The following ACTN1 variants were observed in gnomAD, a reference collection of about 807,000 sequenced individuals.
ACTN1 encodes the protein actinin alpha 1, also known as alpha-actinin-1.
Under a neutral mutation model 119.6 loss-of-function variants are expected in ACTN1, and 30 were observed. That is an observed-to-expected ratio of 0.25 (90% CI 0.19 to 0.34). ACTN1 has a LOEUF of 0.34. Ranked by LOEUF, ACTN1 falls within the 10% of genes least tolerant of loss-of-function variation. The pLI is 1.00. For synonymous variants in ACTN1, 429 were observed against 472.6 expected (o/e 0.91, Z 1.20); for missense variants, 764 against 1,223.4 (o/e 0.62, Z 5.60).
chr14:68,963,042 C>G (rs2036589623), intron 1 of ACTN1, among the ~76,000 whole-genome samples: 1 of 152,098 alleles, frequency 6.6e-6, no homozygotes, highest in African/African-American at 2.4e-5. Flanking sequence ...TCACCTCCTG[C>G]CCCTCCCTCC....
intron 1 of ACTN1, among the ~76,000 whole-genome samples, chr14:68,964,747 G>T (rs554970724): frequency 6.6e-6 from 1 of 152,192 alleles, no homozygotes. Flanking sequence ...TATAATGCAC[G>T]TAATGGACTT....
intron 1 of ACTN1, among the ~76,000 whole-genome samples, chr14:68,964,492 G>C (rs1488155278): frequency 1.2e-4 from 19 of 152,194 alleles, no homozygotes; most frequent in Non-Finnish European, 2.9e-5. Context: ...CCCTTCTCCA[G>C]TCAGGGCTGA....
chr14:68,954,042 CAT>C (rs938967148), intron 1 of ACTN1, among the ~76,000 whole-genome samples: 2 of 152,128 alleles, frequency 1.3e-5, no homozygotes, highest in Admixed American at 6.5e-5. Context: ...TGTATTTTTA[CAT>C]ATTATCTTCC....
At chr14:68,890,739 G>A (rs1306144955) in intron 10 of ACTN1, among the ~76,000 whole-genome samples, 3 of 152,218 alleles carry the variant, frequency 2.0e-5, no homozygotes, top group African/African-American at 7.2e-5. Flanking sequence ...TCCATTCATG[G>A]ACTCAGGCCT....
chr14:68,875,314 T>G (rs1157212004), intron 21 of ACTN1, among the ~76,000 whole-genome samples: 1 of 152,270 alleles, frequency 6.6e-6, no homozygotes, highest in Non-Finnish European at 1.5e-5. Context: ...ATCACACTAG[T>G]CTGCAATAAT....
rs146986774 is a variant in ACTN1, at chr14:68,910,817, C to T, written c.428-775G>A. On this transcript the variant is annotated intron_variant, in intron 4 of 21. Coordinates refer to ENST00000394419, the MANE Select transcript of ACTN1 (RefSeq NM_001130004.2). ...TGGTAGTGAATAAGTCTCACGAGGT[C>T]TGATGGTTTTCTAAGGGGAAACCCC... is the stretch of plus-strand genomic sequence containing the variant. 3.4e-3 allele frequency among the ~76,000 whole-genome samples: 511 copies of T among 152,328 alleles called. 2 individuals carry two copies. Among genetic ancestry groups the T allele is most frequent in the African/African-American group, 0.011 (474 of 41,560 alleles).
intron 3 of ACTN1, among the ~76,000 whole-genome samples, chr14:68,913,670 G>A (rs2034129162): frequency 1.3e-5 from 2 of 152,336 alleles, no homozygotes; most frequent in South Asian, 4.1e-4. Context: ...GTAACCTGCT[G>A]AGTCTGCATG....
At chr14:68,881,955 T>TTGA (rs58500225) in intron 16 of ACTN1, among the ~76,000 whole-genome samples, 1,326 of 102,942 alleles carry the variant, frequency 0.013, 173 homozygotes, top group African/African-American at 0.049. Context: ...TTTTTTTTTT[T>TTGA]GACAGAGTCT....
intron 1 of ACTN1, among the ~76,000 whole-genome samples, chr14:68,945,174 A>AAAAAAG (rs1555357423): frequency 1.6e-3 from 237 of 150,750 alleles, no homozygotes; most frequent in African/African-American, 5.5e-3. Context: ...AAAAAAAAAA[A>AAAAAAG]AAAGAAAGAA....
chr14:68,926,426 G>A (rs146505687), intron 1 of ACTN1, among the ~76,000 whole-genome samples: 1 of 152,316 alleles, frequency 6.6e-6, no homozygotes, highest in Non-Finnish European at 1.5e-5. Context: ...CAAACAGGAA[G>A]AGGGTGTCTC....
At chr14:68,876,537 T>C (rs879931873) in intron 21 of ACTN1, among the ~76,000 whole-genome samples, 10 of 152,180 alleles carry the variant, frequency 6.6e-5, no homozygotes, top group Middle Eastern at 3.2e-3. Flanking sequence ...AGTGGAGACT[T>C]GGACTGAGCC....
chr14:68,969,981 A>G (rs2036830010), intron 1 of ACTN1, among the ~76,000 whole-genome samples: 1 of 152,152 alleles, frequency 6.6e-6, no homozygotes, highest in Admixed American at 6.6e-5. Context: ...ATGATTTGAA[A>G]ATAGAGCTCA....
chr14:68,888,029 C>A, intron 11 of ACTN1: 1 of 737,018 alleles, frequency 1.4e-6, no homozygotes. Flanking sequence ...CGCCGATCTC[C>A]TCTTGGGCTT....
At chr14:68,913,619 A>G (rs931083237) in intron 3 of ACTN1, among the ~76,000 whole-genome samples, 6 of 152,156 alleles carry the variant, frequency 3.9e-5, no homozygotes, top group Non-Finnish European at 8.8e-5. Context: ...GGTGTAGTCC[A>G]TGGAGCAGTG....
intron 1 of ACTN1, among the ~76,000 whole-genome samples, chr14:68,958,937 G>A (rs1566673877): frequency 2.6e-5 from 4 of 152,164 alleles, no homozygotes; most frequent in Admixed American, 1.3e-4. Flanking sequence ...GGGAGAGTGG[G>A]CCAGGCTCTC....
At chr14:68,936,664 G>A (rs1424580250) in intron 1 of ACTN1, 1 of 625,046 alleles carries the variant, frequency 1.6e-6, no homozygotes, top group Non-Finnish European at 3.1e-6. Context: ...AGCCAGTGGG[G>A]AGCCTGGCCG....
chr14:68,876,658 C>T (rs2030932392), intron 21 of ACTN1, among the ~76,000 whole-genome samples: 1 of 152,196 alleles, frequency 6.6e-6, no homozygotes, highest in Non-Finnish European at 1.5e-5. Context: ...GGGTAGAAAA[C>T]ACGAGAGACA....
At chr14:68,893,545 T>G (rs1446770437) in intron 9 of ACTN1, 110 bp downstream of exon 9, 1 of 1,077,866 alleles carries the variant, frequency 9.3e-7, no homozygotes, top group African/African-American at 1.6e-5. Flanking sequence ...AGTATTGGGA[T>G]CAGAGACTAT....
chr14:68,957,527 T>C (rs1283336151), intron 1 of ACTN1, among the ~76,000 whole-genome samples: 2 of 152,252 alleles, frequency 1.3e-5, no homozygotes, highest in African/African-American at 4.8e-5. Context: ...GATCAGTCAT[T>C]ACAGTTCCTA....
Sources: allele counts gnomAD v4.1 joint callset (sites outside exome capture counted in the v4.1 genomes callset), GRCh38; gene constraint gnomAD v4.1.1; transcripts MANE v1.5; gene names NCBI Gene and HGNC (gene_info 2026-07-23, HGNC 2026-07-21).